The following STON2 variants were observed in gnomAD, a reference collection of about 807,000 sequenced individuals.
STON2 encodes the protein stonin 2, also known as stonin-2.
In STON2, 29 loss-of-function variants were observed where a neutral mutation model predicts 65.7. The ratio of observed to expected loss-of-function variants is 0.44; its 90% CI spans 0.33 to 0.60. The LOEUF is 0.60. Among genes scored for constraint, STON2 ranks in the 20% least tolerant of loss-of-function variants. The pLI is 0.03. For synonymous variants in STON2, 404 were observed against 414.2 expected (o/e 0.98, Z 0.30); for missense variants, 1,054 against 1,118.1 (o/e 0.94, Z 0.82).
chr14:81,384,960 A>G (rs563361486), intron 3 of STON2, among the ~76,000 whole-genome samples: 1 of 152,238 alleles, frequency 6.6e-6, no homozygotes, highest in African/African-American at 2.4e-5. Context: ...TGAAGCAGCT[A>G]CTGCTCCCAG....
chr14:81,270,531 A>C, intron 7 of STON2, 139 bp downstream of exon 7: 1 of 1,572,416 alleles, frequency 6.4e-7, no homozygotes, highest in Non-Finnish European at 8.7e-7. Flanking sequence ...ACCCACAGCT[A>C]TGTATGGTGA....
upstream of STON2, among the ~76,000 whole-genome samples, chr14:81,402,714 A>G (rs1413700941): frequency 6.6e-6 from 1 of 152,120 alleles, no homozygotes; most frequent in Non-Finnish European, 1.5e-5. Context: ...ACCCTCTCCA[A>G]TCCCACTGCC....
chr14:81,348,598 G>A (rs1458429263), intron 4 of STON2, among the ~76,000 whole-genome samples: 1 of 151,754 alleles, frequency 6.6e-6, no homozygotes, highest in African/African-American at 2.4e-5. Context: ...AAATTGAAGA[G>A]GACATCAAAA....
chr14:81,393,949 G>A (rs944700612), intron 3 of STON2, among the ~76,000 whole-genome samples: 5 of 152,172 alleles, frequency 3.3e-5, no homozygotes, highest in Non-Finnish European at 7.3e-5. Flanking sequence ...CAGCACTTTG[G>A]GAGGCTAAGG....
chr14:81,423,033 T>G (rs1442737666), intron 2 of STON2, among the ~76,000 whole-genome samples: 3 of 132,226 alleles, frequency 2.3e-5, no homozygotes, highest in African/African-American at 1.0e-4. Context: ...AGACTCTGTC[T>G]CAAAAAAAAA....
intron 5 of STON2, among the ~76,000 whole-genome samples, chr14:81,306,167 C>CTCTATA (rs760274489): frequency 3.6e-4 from 48 of 132,346 alleles, no homozygotes; most frequent in Middle Eastern, 4.3e-3. Context: ...CTCTCTCTCT[C>CTCTATA]TATATATATA....
upstream of STON2, among the ~76,000 whole-genome samples, chr14:81,400,341 G>A (rs368416308): frequency 2.6e-4 from 40 of 152,046 alleles, no homozygotes; most frequent in African/African-American, 7.2e-4. Flanking sequence ...TGCCTTTGAC[G>A]ACTTTCTCAA....
chr14:81,312,429 A>T (rs956693789), intron 5 of STON2, among the ~76,000 whole-genome samples: 6 of 152,204 alleles, frequency 3.9e-5, no homozygotes, highest in African/African-American at 7.2e-5. Context: ...AGGCTACTTC[A>T]CTTCTTGAAG....
intron 4 of STON2, among the ~76,000 whole-genome samples, chr14:81,345,311 G>C (rs986910664): frequency 6.6e-6 from 1 of 152,110 alleles, no homozygotes; most frequent in Non-Finnish European, 1.5e-5. Context: ...TCATTGCAGT[G>C]GGCCCTAATC....
intron 4 of STON2, among the ~76,000 whole-genome samples, chr14:81,327,764 C>T (rs1337510373): frequency 3.3e-5 from 5 of 152,126 alleles, no homozygotes; most frequent in South Asian, 2.1e-4. Flanking sequence ...TTTCCACCTA[C>T]GTATTTCATT....
chr14:81,268,272 G>T lies in STON2; in HGVS notation c.*142C>A. 1 of 1,157,218 alleles carries T rather than the reference G, an allele frequency of 8.6e-7. No individual in the cohort carries two copies. 71.7% of individuals were successfully genotyped at this position (1,157,218 alleles called of 1,614,324 possible). On this transcript the variant is annotated 3_prime_UTR_variant, in exon 8 of 8. Transcript: ENST00000614646. ...AAATACAAGTAACTGCAAACAGGAA[G>T]ATCTGGTATACTGTTCCCAACATGC...
At chr14:81,407,059 A>T (rs1305092444) in intron 2 of STON2, among the ~76,000 whole-genome samples, 1 of 152,208 alleles carries the variant, frequency 6.6e-6, no homozygotes, top group African/African-American at 2.4e-5. Flanking sequence ...AAAAGAGCCA[A>T]GGCGAGTGTC....
chr14:81,406,752 G>A (rs1900884539), intron 2 of STON2, among the ~76,000 whole-genome samples: 1 of 152,116 alleles, frequency 6.6e-6, no homozygotes, highest in Non-Finnish European at 1.5e-5. Context: ...CAGTATCTTT[G>A]TCCCATTCTC....
chr14:81,346,099 G>C (rs1316102956), intron 4 of STON2, among the ~76,000 whole-genome samples: 7 of 152,164 alleles, frequency 4.6e-5, no homozygotes, highest in Non-Finnish European at 4.4e-5. Context: ...AACTTTTTAT[G>C]ATGTTTCGTC....
chr14:81,312,981 A>C (rs1896484226), intron 5 of STON2, among the ~76,000 whole-genome samples: 1 of 152,224 alleles, frequency 6.6e-6, no homozygotes, highest in Admixed American at 6.5e-5. Flanking sequence ...AAACTAATTA[A>C]AAGGGCAAAG....
chr14:81,333,412 A>G, intron 4 of STON2: 1 of 388,270 alleles, frequency 2.6e-6, no homozygotes, highest in Non-Finnish European at 4.7e-6. Context: ...AGAGCTTTAA[A>G]TACGTTTTTT....
At chr14:81,288,926 C>T (rs1419840813) in intron 5 of STON2, among the ~76,000 whole-genome samples, 3 of 151,628 alleles carry the variant, frequency 2.0e-5, no homozygotes, top group Admixed American at 6.6e-5. Flanking sequence ...GGGTAAGTCC[C>T]CAGAAGCAGT....
At chr14:81,401,065 C>T (rs772816017), upstream of STON2, among the ~76,000 whole-genome samples, 1 of 152,172 alleles carries the variant, frequency 6.6e-6, no homozygotes, top group African/African-American at 2.4e-5. Context: ...TTAAATGACT[C>T]GCCCAACGTT....
At chr14:81,404,189 T>C (rs940256292), upstream of STON2, among the ~76,000 whole-genome samples, 2 of 152,220 alleles carry the variant, frequency 1.3e-5, no homozygotes, top group Admixed American at 6.5e-5. Context: ...TAGGGAAATA[T>C]GTTCATTCCC....
Sources: allele counts gnomAD v4.1 joint callset (sites outside exome capture counted in the v4.1 genomes callset), GRCh38; gene constraint gnomAD v4.1.1; transcripts MANE v1.5; gene names NCBI Gene and HGNC (gene_info 2026-07-23, HGNC 2026-07-21).